PSME4: variants seen among roughly 807,000 people sequenced by gnomAD.
The protein encoded by PSME4 is proteasome activator subunit 4, also known as proteasome activator complex subunit 4.
Under a neutral mutation model 253.9 loss-of-function variants are expected in PSME4, and 89 were observed. That is an observed-to-expected ratio of 0.35 (90% CI 0.30 to 0.42). The LOEUF is 0.42. Among genes scored for constraint, PSME4 ranks in the 10% least tolerant of loss-of-function variants. The probability of loss-of-function intolerance (pLI) is 1.00; values close to 1 mark genes in which losing one functional copy is unlikely to be tolerated. For missense variants in PSME4, 2,014 were observed against 2,195.2 expected (o/e 0.92, Z 1.65); for synonymous variants, 851 against 759.2 (o/e 1.12, Z -1.99).
chr2:53,969,064 G>C (rs986587289), intron 1 of PSME4, among the ~76,000 whole-genome samples: 1 of 152,196 alleles, frequency 6.6e-6, no homozygotes, highest in Non-Finnish European at 1.5e-5. Flanking sequence ...GTAACAAAGT[G>C]ACTATTTTTA....
At chr2:53,888,602 C>T (rs1679748096) in intron 38 of PSME4, 119 bp downstream of exon 38, 2 of 641,352 alleles carry the variant, frequency 3.1e-6, no homozygotes, top group Non-Finnish European at 5.2e-6. Context: ...ACATCACCTT[C>T]CAGAAGAAAG....
chr2:53,954,243 G>A (rs531618478), intron 1 of PSME4, among the ~76,000 whole-genome samples: 43 of 152,164 alleles, frequency 2.8e-4, no homozygotes, highest in African/African-American at 9.2e-4. Flanking sequence ...CAGGAGAATC[G>A]CTTGAACCCG....
chr2:53,929,829 C>A (rs1348058069), intron 10 of PSME4, among the ~76,000 whole-genome samples: 4 of 151,774 alleles, frequency 2.6e-5, no homozygotes, highest in African/African-American at 9.7e-5. Flanking sequence ...ATCAGCCTGA[C>A]CAACATGGTG....
intron 1 of PSME4, 87 bp downstream of exon 1, chr2:53,970,456 C>G (rs1671012050): frequency 9.8e-6 from 15 of 1,536,946 alleles, no homozygotes; most frequent in Non-Finnish European, 1.2e-5. Flanking sequence ...GCTAAGGGTC[C>G]AGCCCTCTGG....
chr2:53,967,470 C>T (rs967631709), intron 1 of PSME4, among the ~76,000 whole-genome samples: 9 of 151,174 alleles, frequency 6.0e-5, no homozygotes, highest in African/African-American at 1.5e-4. Context: ...GGTGAAACCC[C>T]GTCTCTACTA....
intron 4 of PSME4, among the ~76,000 whole-genome samples, chr2:53,939,543 C>T (rs1009281690): frequency 9.2e-5 from 14 of 152,022 alleles, no homozygotes; most frequent in African/African-American, 2.7e-4. Context: ...CCGGGCAATA[C>T]AGCAAGGCCC....
chr2:53,950,671 G>A lies in PSME4; in HGVS notation c.243-1388C>T, dbSNP rs13385600. 3.9e-3 allele frequency among the ~76,000 whole-genome samples: 590 copies of A among 151,866 alleles called. 6 individuals are homozygous for A. Among genetic ancestry groups the A allele is most frequent in the African/African-American group, 0.014 (573 of 41,406 alleles). On this transcript the variant is annotated intron_variant, in intron 1 of 46. Transcript: ENST00000404125. ...AGCCTGACCAACATGGAGAAACCCC[G>A]TCTCTACTAAAAACACAAAATTAGC...
At position 53,864,347 on chromosome 2, in the gene PSME4, T is replaced by G. The variant is rs1301918791; in HGVS notation, c.*1231A>C. 1 of 152,386 alleles carries G rather than the reference T, an allele frequency of 6.6e-6. No individual in the cohort carries two copies. Among genetic ancestry groups the G allele is most frequent in the African/African-American group, 2.4e-5 (1 of 41,358 alleles). 9.4% of individuals were successfully genotyped at this position (152,386 alleles called of 1,614,324 possible). A position where few individuals can be genotyped will look rare whatever the true frequency, so the allele number is the denominator to read the frequency against. On this transcript the variant is annotated 3_prime_UTR_variant, in exon 47 of 47. Coordinates refer to ENST00000404125, the MANE Select transcript of PSME4 (RefSeq NM_014614.3). ...AGATACCTTTCACTCTATAAACTTG[T>G]CATAGGCAAACATGTGGTGTTAGCA... is the stretch of plus-strand genomic sequence containing the variant.
chr2:53,915,222 C>G (rs1165778619), intron 20 of PSME4, among the ~76,000 whole-genome samples: 1 of 152,078 alleles, frequency 6.6e-6, no homozygotes, highest in Non-Finnish European at 1.5e-5. Context: ...AGGCAGATCG[C>G]CTGAGCTCGG....
intron 41 of PSME4, among the ~76,000 whole-genome samples, chr2:53,883,188 A>G (rs992777313): frequency 2.0e-5 from 3 of 152,216 alleles, no homozygotes; most frequent in Non-Finnish European, 2.9e-5. Context: ...CACAAACTTC[A>G]AAGTTTTTTT....
intron 37 of PSME4, 61 bp downstream of exon 37, chr2:53,890,043 G>C (rs931911967): frequency 8.0e-7 from 1 of 1,254,834 alleles, no homozygotes; most frequent in Non-Finnish European, 1.2e-6. Context: ...CACACTTTGA[G>C]AGACAGTATC....
intron 12 of PSME4, 42 bp from the exon 13 acceptor site, chr2:53,926,065 GT>G (rs751543976): frequency 2.2e-5 from 33 of 1,485,134 alleles, no homozygotes; most frequent in African/African-American, 1.1e-4. Context: ...TATAGCCTTT[GT>G]TTTTTTTTCC....
rs751674755 is a variant in PSME4, at chr2:53,912,361, T to G, written c.2517-2231A>C. 5.3e-5 allele frequency among the ~76,000 whole-genome samples: 8 copies of G among 152,210 alleles called. 1 individual carries two copies. Among genetic ancestry groups the G allele is most frequent in the Non-Finnish European group, 1.0e-4 (7 of 68,016 alleles). Reference sequence around the variant, plus strand: ...TGGGTAGTATACATTACAGCTTTTGTTTATTCTTATCCACCATAATTTGAT... The same window carrying G: ...TGGGTAGTATACATTACAGCTTTTGGTTATTCTTATCCACCATAATTTGAT... On this transcript the variant is annotated intron_variant, in intron 20 of 46. Transcript: ENST00000404125.
intron 19 of PSME4, 101 bp from the exon 20 acceptor site, chr2:53,919,347 T>C: frequency 7.2e-7 from 1 of 1,385,320 alleles, no homozygotes; most frequent in Non-Finnish European, 9.4e-7. Flanking sequence ...TATAAATGAT[T>C]AAGGTAAAGA....
intron 1 of PSME4, among the ~76,000 whole-genome samples, chr2:53,963,515 T>TAA (rs1670585483): frequency 6.6e-6 from 1 of 152,202 alleles, no homozygotes; most frequent in Non-Finnish European, 1.5e-5. Flanking sequence ...TACACTAACC[T>TAA]ATGAGCCTCT....
intron 1 of PSME4, among the ~76,000 whole-genome samples, chr2:53,969,083 G>C (rs1426770074): frequency 1.3e-5 from 2 of 152,146 alleles, no homozygotes; most frequent in Non-Finnish European, 2.9e-5. Flanking sequence ...TACTGTGCCT[G>C]AGCAACACAA....
chr2:53,888,908 T>G, intron 37 of PSME4, 96 bp from the exon 38 acceptor site: 1 of 1,011,362 alleles, frequency 9.9e-7, no homozygotes, highest in Middle Eastern at 2.7e-4. Flanking sequence ...TTTTTGAGGC[T>G]AGGTCTAACT....
intron 43 of PSME4, among the ~76,000 whole-genome samples, chr2:53,873,187 G>C (rs1330379180): frequency 6.9e-6 from 1 of 145,930 alleles, no homozygotes; most frequent in Non-Finnish European, 1.5e-5. Flanking sequence ...CTTGCAGTGA[G>C]CTGAGAGCGT....
intron 7 of PSME4, 72 bp from the exon 8 acceptor site, chr2:53,934,799 A>G (rs999642740): frequency 3.7e-5 from 43 of 1,149,700 alleles, no homozygotes; most frequent in Non-Finnish European, 4.8e-5. Context: ...TAAGTGCTGT[A>G]TATTAGTGTT....
Sources: allele counts gnomAD v4.1 joint callset (sites outside exome capture counted in the v4.1 genomes callset), GRCh38; gene constraint gnomAD v4.1.1; transcripts MANE v1.5; gene names NCBI Gene and HGNC (gene_info 2026-07-23, HGNC 2026-07-21).